FRAS1: variants seen among roughly 807,000 people sequenced by gnomAD.
FRAS1 encodes the protein extracellular matrix organizing protein FRAS1.
In FRAS1, 290 loss-of-function variants were observed where a neutral mutation model predicts 435.2. That is an observed-to-expected ratio of 0.67 (90% CI 0.61 to 0.73). The LOEUF is 0.73. Among genes scored for constraint, FRAS1 ranks in the 30% least tolerant of loss-of-function variants. FRAS1 has a pLI of 0.00. For missense variants in FRAS1, 4,860 were observed against 5,001.5 expected, an observed-to-expected ratio of 0.97 and a Z score of 0.85; for synonymous variants, 1,800 against 1,851.0, an observed-to-expected ratio of 0.97 and a Z score of 0.71.
intron 2 of FRAS1, among the ~76,000 whole-genome samples, chr4:78,133,348 G>T (rs576838037): frequency 6.6e-6 from 1 of 150,390 alleles, no homozygotes; most frequent in South Asian, 2.2e-4. Context: ...GAGATAGAAA[G>T]TAGAAGGATG....
At chr4:78,524,333 A>G (rs1721470861) in intron 69 of FRAS1, among the ~76,000 whole-genome samples, 1 of 152,206 alleles carries the variant, frequency 6.6e-6, no homozygotes, top group Admixed American at 6.5e-5. Context: ...GAAGAACCCC[A>G]CCAAGCACTC....
At chr4:78,147,814 A>G (rs1241960806) in intron 2 of FRAS1, among the ~76,000 whole-genome samples, 2 of 152,162 alleles carry the variant, frequency 1.3e-5, no homozygotes, top group African/African-American at 4.8e-5. Flanking sequence ...TCCCCTGGGG[A>G]CTAGATTGCA....
intron 35 of FRAS1, among the ~76,000 whole-genome samples, chr4:78,428,513 T>C (rs1377481416): frequency 2.0e-5 from 3 of 152,020 alleles, no homozygotes; most frequent in Non-Finnish European, 4.4e-5. Context: ...TTAGTAGAGA[T>C]GGGGTTTCAT....
intron 2 of FRAS1, among the ~76,000 whole-genome samples, chr4:78,097,962 G>T (rs1156349733): frequency 1.3e-5 from 2 of 152,188 alleles, no homozygotes; most frequent in Non-Finnish European, 2.9e-5. Flanking sequence ...AAAGAAAGAG[G>T]TCCTCAGAAG....
intron 20 of FRAS1, among the ~76,000 whole-genome samples, chr4:78,358,110 C>T (rs1730932256): frequency 6.6e-6 from 1 of 151,968 alleles, no homozygotes; most frequent in Non-Finnish European, 1.5e-5. Flanking sequence ...ATTAAATACT[C>T]AATTAAAATG....
In FRAS1 at chr4:78,519,471, C is replaced by T. The variant is rs768796978; in HGVS notation, c.10530C>T (p.Leu3510=). The T allele has an allele frequency of 1.6e-5, 26 of 1,610,010 alleles. No homozygotes were observed. In the Admixed American group the frequency reaches 4.2e-4, roughly 26 times the overall value. ...MEFSFFYDTV[L]WRTGIQTDSV... ...TTTCTTTCTTCTATGACACTGTTCTCTGGAGAACAGGTATGCCCACTGACG... is the reference window on the plus strand; with the variant it reads ...TTTCTTTCTTCTATGACACTGTTCTTTGGAGAACAGGTATGCCCACTGACG... The change falls in exon 67 of 74, where the codon CTC becomes CTT. Residue 3510 remains leucine (L), a synonymous_variant. Transcript: ENST00000512123.
chr4:78,272,211 G>A (rs1217399921), intron 9 of FRAS1, among the ~76,000 whole-genome samples: 1 of 152,022 alleles, frequency 6.6e-6, no homozygotes, highest in Non-Finnish European at 1.5e-5. Flanking sequence ...CTGGATATTA[G>A]CCCTTTGTCA....
chr4:78,069,555 G>T (rs1740230797), intron 2 of FRAS1, among the ~76,000 whole-genome samples: 2 of 151,214 alleles, frequency 1.3e-5, no homozygotes, highest in African/African-American at 4.9e-5. Context: ...CATAGGGCAA[G>T]TTACATCATC....
intron 14 of FRAS1, among the ~76,000 whole-genome samples, chr4:78,302,954 A>T (rs1309688145): frequency 2.0e-5 from 3 of 152,188 alleles, no homozygotes; most frequent in South Asian, 4.1e-4. Context: ...CTGAATGGTA[A>T]TGCCTAGGTT....
At chr4:78,427,521 C>T (rs1389662436) in intron 35 of FRAS1, among the ~76,000 whole-genome samples, 1 of 152,188 alleles carries the variant, frequency 6.6e-6, no homozygotes, top group Non-Finnish European at 1.5e-5. Flanking sequence ...ATTACAGAGA[C>T]ATCAGAGCAT....
chr4:78,377,614 A>G (rs17426103), intron 26 of FRAS1, among the ~76,000 whole-genome samples: 36,824 of 152,174 alleles, frequency 0.24, 4,842 homozygotes, highest in Admixed American at 0.31. Flanking sequence ...AAGACAAGGT[A>G]TGTGTATTTC....
intron 6 of FRAS1, among the ~76,000 whole-genome samples, chr4:78,261,488 A>T (rs1726103519): frequency 6.6e-6 from 1 of 152,184 alleles, no homozygotes; most frequent in African/African-American, 2.4e-5. Context: ...CGGGAGTAGC[A>T]GGAAAATCAC....
At chr4:78,537,309 C>T in intron 72 of FRAS1, 109 bp downstream of exon 72, 1 of 1,026,982 alleles carries the variant, frequency 9.7e-7, no homozygotes, top group Non-Finnish European at 1.4e-6. Flanking sequence ...ATTTTCTTCT[C>T]TATATATGTT....
chr4:78,539,258 T>G, intron 72 of FRAS1, 36 bp from the exon 73 acceptor site: 1 of 1,598,244 alleles, frequency 6.3e-7, no homozygotes, highest in Non-Finnish European at 8.5e-7. Flanking sequence ...GGAACCATCT[T>G]TCTAAATCTT....
intron 15 of FRAS1, among the ~76,000 whole-genome samples, chr4:78,313,287 C>T (rs144167077): frequency 4.6e-5 from 7 of 152,296 alleles, no homozygotes; most frequent in African/African-American, 1.7e-4. Flanking sequence ...AGGCCATTGC[C>T]ATAGCCCATT....
intron 2 of FRAS1, chr4:78,181,253 A>G (rs2110050560): frequency 6.2e-7 from 1 of 1,608,560 alleles, no homozygotes; most frequent in Non-Finnish European, 8.5e-7. Context: ...CTCCTCTTTT[A>G]CCTCTTCAAC....
At chr4:78,070,375 C>G (rs1259833739) in intron 2 of FRAS1, 1 of 152,022 alleles carries the variant, frequency 6.6e-6, no homozygotes, top group Non-Finnish European at 1.5e-5. Flanking sequence ...CATGTGTAGC[C>G]ATCTCTAAAT....
intron 2 of FRAS1, among the ~76,000 whole-genome samples, chr4:78,142,901 G>T (rs2110000568): frequency 6.6e-6 from 1 of 151,848 alleles, no homozygotes; most frequent in South Asian, 2.1e-4. Context: ...AATAGAGGGG[G>T]AAAATAGAAT....
chr4:78,096,009 C>A (rs987860528), intron 2 of FRAS1, among the ~76,000 whole-genome samples: 1 of 152,224 alleles, frequency 6.6e-6, no homozygotes, highest in African/African-American at 2.4e-5. Context: ...CAAGGCAAGT[C>A]CCTTCCGCCT....
Sources: gnomAD v4.1 joint callset for allele counts (sites outside exome capture counted in the v4.1 genomes callset) on GRCh38, gnomAD v4.1.1 for gene constraint, MANE v1.5 for transcripts, NCBI Gene and HGNC (gene_info 2026-07-23, HGNC 2026-07-21) for gene names.